Variants in STAB2 observed in about 807,000 individuals in gnomAD.
STAB2 encodes stabilin-2.
In STAB2, 288 loss-of-function variants were observed where a neutral mutation model predicts 338.1. The observed-to-expected ratio is 0.85, with a 90% CI of 0.77 to 0.94. The LOEUF (loss-of-function observed/expected upper bound fraction) is 0.94, where lower values mean the gene tolerates loss of function less well. STAB2 is among the 40% of genes least tolerant of loss of function. The pLI is 0.00. For synonymous variants in STAB2, 1,202 were observed against 1,193.3 expected, an observed-to-expected ratio of 1.01 and a Z score of -0.15; for missense variants, 3,141 against 3,210.1, an observed-to-expected ratio of 0.98 and a Z score of 0.52.
chr12:103,639,597 G>A (rs538796709), intron 8 of STAB2, among the ~76,000 whole-genome samples: 58 of 151,486 alleles, frequency 3.8e-4, no homozygotes, highest in African/African-American at 1.3e-3. Context: ...CCAGCTGTCC[G>A]GAAGACTGAG....
chr12:103,731,396 C>A (rs1228418274), intron 49 of STAB2, among the ~76,000 whole-genome samples, 180 bp from the exon 50 acceptor site: 2 of 152,136 alleles, frequency 1.3e-5, no homozygotes, highest in Non-Finnish European at 2.9e-5. Flanking sequence ...TAGCGCTTAG[C>A]CTACTAGTCT....
chr12:103,629,486 G>T (rs539234354), intron 5 of STAB2, among the ~76,000 whole-genome samples: 110 of 152,190 alleles, frequency 7.2e-4, no homozygotes, highest in Non-Finnish European at 1.2e-3. Flanking sequence ...TTGTCGTAGG[G>T]TGCAATAGTG....
chr12:103,763,839 C>G (rs1973658), intron 68 of STAB2: 332,026 of 418,928 alleles, frequency 0.79, 132,431 homozygotes, highest in South Asian at 0.93. Flanking sequence ...CAGAGACAGG[C>G]GAGAACAAGA....
chr12:103,737,606 CTTTTTTT>C, intron 52 of STAB2, 21 bp from the exon 53 acceptor site: 11 of 996,900 alleles, frequency 1.1e-5, no homozygotes, highest in East Asian at 3.9e-5. Context: ...CTCTCTTTCT[CTTTTTTT>C]TTTTTTTTTT....
At chr12:103,758,513 T>C (rs1216190953) in intron 64 of STAB2, among the ~76,000 whole-genome samples, 1 of 152,184 alleles carries the variant, frequency 6.6e-6, no homozygotes, top group African/African-American at 2.4e-5. Flanking sequence ...CATGGAACTC[T>C]CATCGTCCAA....
At chr12:103,687,662 T>C (rs1404569650) in intron 27 of STAB2, among the ~76,000 whole-genome samples, 1 of 152,172 alleles carries the variant, frequency 6.6e-6, no homozygotes, top group East Asian at 1.9e-4. Context: ...GTTGGAGCTT[T>C]TATTATGCCC....
At chr12:103,720,728 G>A (rs893170927) in intron 44 of STAB2, among the ~76,000 whole-genome samples, 4 of 152,182 alleles carry the variant, frequency 2.6e-5, no homozygotes, top group African/African-American at 9.7e-5. Flanking sequence ...CATTTGTGCT[G>A]CTTTAACAGC....
chr12:103,607,617 A>G (rs1231347558), intron 3 of STAB2, among the ~76,000 whole-genome samples: 1 of 150,460 alleles, frequency 6.6e-6, no homozygotes, highest in Non-Finnish European at 1.5e-5. Context: ...ATTCACACCT[A>G]TGAGTGAGAA....
At chr12:103,744,461 CTTTTTTTTTTTTT>C (rs3035275) in intron 56 of STAB2, among the ~76,000 whole-genome samples, 1 of 122,470 alleles carries the variant, frequency 8.2e-6, no homozygotes, top group East Asian at 2.4e-4. Flanking sequence ...CACAATTTTA[CTTTTTTTTTTTTT>C]TTTTTTTTTT....
At position 103,739,477 on chromosome 12, in the gene STAB2, G is replaced by A; in HGVS notation, c.5754+9G>A. 6.3e-7 allele frequency: 1 copy of A among 1,578,032 alleles called. No individual in the cohort carries two copies. The highest frequency in any genetic ancestry group is 1.2e-5 in the South Asian group (1 of 85,028). ...GGTGGAGTAAACCAAAGGTAATTAA[G>A]ACTGCAGTGATAATGTTTGGAGAGC... On this transcript the variant is annotated intron_variant, in intron 54 of 68. Transcript: ENST00000388887.
At chr12:103,684,961 A>G (rs770691074) in intron 26 of STAB2, 28 bp from the exon 27 acceptor site, 3 of 1,609,660 alleles carry the variant, frequency 1.9e-6, no homozygotes, top group Non-Finnish European at 2.6e-6. Context: ...TGTTGGGGTA[A>G]CCATTTCTTT....
At chr12:103,699,551 A>G (rs895129808) in intron 34 of STAB2, among the ~76,000 whole-genome samples, 3 of 152,144 alleles carry the variant, frequency 2.0e-5, no homozygotes, top group Non-Finnish European at 2.9e-5. Context: ...CTTATTCACT[A>G]TCACGAGAAC....
In STAB2 at chr12:103,638,134, G is replaced by A. The variant is rs1957580240; in HGVS notation, c.828G>A (p.Leu276=). 6.2e-7 allele frequency: 1 copy of A among 1,614,072 alleles called. No homozygotes were observed. The highest frequency in any genetic ancestry group is 1.3e-5 in the African/African-American group (1 of 74,920). Residue 276 remains leucine, a synonymous_variant, in exon 8 of 69, where the codon TTG becomes TTA. Transcript: ENST00000388887. ...EGYRGDGQVC[L]PVDPCQINFG... is the part of the protein sequence containing the mutation. ...ACCGTGGGGATGGCCAAGTGTGCTT[G>A]CCTGTGGACCCCTGCCAAATTAACT...
chr12:103,635,117 T>C (rs1294848009), intron 6 of STAB2, among the ~76,000 whole-genome samples: 1 of 152,222 alleles, frequency 6.6e-6, no homozygotes, highest in Non-Finnish European at 1.5e-5. Context: ...TTGAGAGCAA[T>C]ACACTGACTG....
At chr12:103,728,558 A>G (rs953295911) in intron 47 of STAB2, among the ~76,000 whole-genome samples, 7 of 152,242 alleles carry the variant, frequency 4.6e-5, no homozygotes, top group African/African-American at 7.2e-5. Context: ...TTTGAGGATC[A>G]TCTCACAGAA....
intron 25 of STAB2, among the ~76,000 whole-genome samples, chr12:103,682,818 C>G (rs1268439030): frequency 1.3e-5 from 2 of 152,056 alleles, no homozygotes; most frequent in East Asian, 3.9e-4. Context: ...CGTGGTGGCA[C>G]GTGCCTGTAA....
At chr12:103,637,489 T>C (rs559351755) in intron 7 of STAB2, among the ~76,000 whole-genome samples, 1 of 152,256 alleles carries the variant, frequency 6.6e-6, no homozygotes, top group Non-Finnish European at 1.5e-5. Context: ...TTAATGCTTC[T>C]TATTTTATCT....
intron 46 of STAB2, among the ~76,000 whole-genome samples, chr12:103,726,401 G>A (rs916144993): frequency 1.3e-5 from 2 of 152,188 alleles, no homozygotes; most frequent in African/African-American, 4.8e-5. Context: ...TGAGGCGTGA[G>A]AATTGCTTGA....
chr12:103,630,189 C>T (rs1417530240), intron 5 of STAB2, among the ~76,000 whole-genome samples: 1 of 152,094 alleles, frequency 6.6e-6, no homozygotes, highest in Non-Finnish European at 1.5e-5. Flanking sequence ...CATGCTACTG[C>T]AATAGTCCAG....
Sources: gnomAD v4.1 joint callset for allele counts (sites outside exome capture counted in the v4.1 genomes callset) on GRCh38, gnomAD v4.1.1 for gene constraint, MANE v1.5 for transcripts, NCBI Gene and HGNC (gene_info 2026-07-23, HGNC 2026-07-21) for gene names.